Variants in SKAP2 observed in about 807,000 individuals in gnomAD.
SKAP2 encodes src kinase associated phosphoprotein 2.
In SKAP2, 28 loss-of-function variants were observed where a neutral mutation model predicts 54.9. The ratio of observed to expected loss-of-function variants is 0.51; its 90% CI spans 0.38 to 0.70. The LOEUF (loss-of-function observed/expected upper bound fraction) is 0.70. Among genes scored for constraint, SKAP2 ranks in the 30% least tolerant of loss-of-function variants. SKAP2 has a pLI of 0.00. For synonymous variants in SKAP2, 137 were observed against 134.3 expected, an observed-to-expected ratio of 1.02 and a Z score of -0.14; for missense variants, 356 against 424.1, an observed-to-expected ratio of 0.84 and a Z score of 1.41.
chr7:26,755,549 A>G (rs1344085144), intron 4 of SKAP2, among the ~76,000 whole-genome samples: 1 of 152,214 alleles, frequency 6.6e-6, no homozygotes, highest in Non-Finnish European at 1.5e-5. Flanking sequence ...GTTAATAAAC[A>G]TGAAAAGAGA....
intron 11 of SKAP2, among the ~76,000 whole-genome samples, chr7:26,680,589 T>A (rs939661678): frequency 1.3e-5 from 2 of 152,240 alleles, no homozygotes; most frequent in African/African-American, 4.8e-5. Flanking sequence ...ATTATAAATT[T>A]GATCCATTTT....
chr7:26,690,458 A>T (rs554638108), intron 9 of SKAP2, 96 bp from the exon 10 acceptor site: 10 of 707,158 alleles, frequency 1.4e-5, no homozygotes, highest in Non-Finnish European at 2.0e-5. Context: ...AAAAGTTTAT[A>T]ACACATAAAC....
chr7:26,842,640 T>A (rs946589662), intron 4 of SKAP2, among the ~76,000 whole-genome samples: 1 of 151,178 alleles, frequency 6.6e-6, no homozygotes, highest in Admixed American at 6.6e-5. Context: ...TGTATGTGTA[T>A]ACACACATAC....
chr7:26,799,272 C>T (rs1783855996), intron 4 of SKAP2, among the ~76,000 whole-genome samples: 1 of 139,934 alleles, frequency 7.1e-6, no homozygotes, highest in African/African-American at 2.6e-5. Context: ...CACAGACGGG[C>T]TGAATGGAAG....
chr7:26,741,238 C>G (rs1347650008), intron 4 of SKAP2, among the ~76,000 whole-genome samples: 1 of 151,556 alleles, frequency 6.6e-6, no homozygotes, highest in African/African-American at 2.4e-5. Flanking sequence ...ACTAAGTGGC[C>G]GGGTGCAATG....
intron 9 of SKAP2, among the ~76,000 whole-genome samples, chr7:26,715,725 G>A (rs12538337): frequency 0.054 from 8,285 of 152,174 alleles, 395 homozygotes; most frequent in East Asian, 0.28. Context: ...AGTGCAGTGA[G>A]CCGAGATCAT....
At chr7:26,701,401 A>G (rs1214241378) in intron 9 of SKAP2, among the ~76,000 whole-genome samples, 3 of 152,162 alleles carry the variant, frequency 2.0e-5, no homozygotes, top group East Asian at 1.9e-4. Flanking sequence ...TTCTTTGGTT[A>G]TTCAGCTATT....
chr7:26,708,923 C>G lies in SKAP2; in HGVS notation c.796+16505G>C, dbSNP rs547677178. Among the ~76,000 whole-genome samples, 26 of 152,182 alleles carry G rather than the reference C, an allele frequency of 1.7e-4. No homozygotes were observed. In the Middle Eastern group the frequency reaches 0.01, roughly 60 times the overall value. On this transcript the variant is annotated intron_variant, in intron 9 of 12. Transcript: ENST00000345317. ...TGCTTACATAAAAATTGGGTGTTTT[C>G]TTTTTGCTTTTCTCATTTCATGTTT...
intron 4 of SKAP2, among the ~76,000 whole-genome samples, chr7:26,816,203 G>A (rs184523540): frequency 1.3e-5 from 2 of 152,162 alleles, no homozygotes; most frequent in Non-Finnish European, 2.9e-5. Context: ...CGCAAGACAC[G>A]TTCAAAATCC....
At chr7:26,829,288 T>C (rs1784556618) in intron 4 of SKAP2, among the ~76,000 whole-genome samples, 1 of 152,054 alleles carries the variant, frequency 6.6e-6, no homozygotes, top group Non-Finnish European at 1.5e-5. Context: ...GGCTCAACAC[T>C]TCAGGAAGCC....
At chr7:26,821,666 G>T (rs565442330) in intron 4 of SKAP2, among the ~76,000 whole-genome samples, 1 of 152,178 alleles carries the variant, frequency 6.6e-6, no homozygotes, top group South Asian at 2.1e-4. Flanking sequence ...CAACAAACTT[G>T]ATCTTTCTTA....
At chr7:26,817,665 T>A (rs998096489) in intron 4 of SKAP2, among the ~76,000 whole-genome samples, 1 of 152,168 alleles carries the variant, frequency 6.6e-6, no homozygotes, top group African/African-American at 2.4e-5. Flanking sequence ...TGTTTGCAGA[T>A]GACATTATTG....
At chr7:26,856,620 A>G (rs1785169311) in intron 1 of SKAP2, among the ~76,000 whole-genome samples, 1 of 152,168 alleles carries the variant, frequency 6.6e-6, no homozygotes, top group Non-Finnish European at 1.5e-5. Context: ...ATATTTCGAT[A>G]TTAGCTGAAA....
intron 9 of SKAP2, among the ~76,000 whole-genome samples, chr7:26,717,447 T>G (rs1334028746): frequency 7.6e-6 from 1 of 132,178 alleles, no homozygotes; most frequent in Non-Finnish European, 1.5e-5. Flanking sequence ...GAGGTGGAGG[T>G]TGCAGTGAGC....
At chr7:26,842,796 G>C (rs903972526) in intron 4 of SKAP2, among the ~76,000 whole-genome samples, 2 of 151,786 alleles carry the variant, frequency 1.3e-5, no homozygotes, top group African/African-American at 4.8e-5. Flanking sequence ...TGCTTTTGAA[G>C]ATGAGGTTGG....
Position 26,738,878 on chromosome 7 carries a change from T to TCTG in SKAP2, c.386-3_386-1dup (p.Lys128_Asp129insAla), listed in dbSNP as rs1443146973. 5 of 1,588,124 alleles carry TCTG rather than the reference T, an allele frequency of 3.1e-6. No homozygotes were observed. In the Admixed American group the frequency reaches 8.3e-5, roughly 26 times the overall value. The stretch of plus-strand genomic sequence containing the variant: ...CCATTCAAATCCCAGAAAGCTGTGA[T>TCTG]CTGCAATAAAGAGGGGAAAATGTAA... On this transcript the variant is annotated inframe_insertion and splice_region_variant. Coordinates refer to ENST00000345317, the MANE Select transcript of SKAP2 (RefSeq NM_003930.5).
chr7:26,677,394 T>TAAAAAAAAAAAAAAAA (rs1322136047), intron 11 of SKAP2, among the ~76,000 whole-genome samples: 43 of 72,928 alleles, frequency 5.9e-4, no homozygotes, highest in African/African-American at 2.3e-3. Context: ...TCTGTCTCAA[T>TAAAAAAAAAAAAAAAA]AAAAAAAAAA....
intron 4 of SKAP2, among the ~76,000 whole-genome samples, chr7:26,809,494 C>CA (rs1057431903): frequency 2.7e-5 from 4 of 150,446 alleles, no homozygotes; most frequent in East Asian, 1.9e-4. Context: ...AACAGGTATA[C>CA]AAAAAAAATG....
intron 4 of SKAP2, among the ~76,000 whole-genome samples, chr7:26,792,515 T>G (rs1035008624): frequency 1.3e-5 from 2 of 152,180 alleles, no homozygotes; most frequent in African/African-American, 4.8e-5. Context: ...AAAAAAACTT[T>G]TATTTGAAAA....
Sources: gnomAD v4.1 joint callset for allele counts (sites outside exome capture counted in the v4.1 genomes callset) on GRCh38, gnomAD v4.1.1 for gene constraint, MANE v1.5 for transcripts, NCBI Gene and HGNC (gene_info 2026-07-23, HGNC 2026-07-21) for gene names.